The following LRGUK variants were observed in gnomAD, a reference collection of about 807,000 sequenced individuals.
LRGUK encodes the protein leucine rich repeats and guanylate kinase domain containing.
In LRGUK, 65 loss-of-function variants were observed where a neutral mutation model predicts 76.0. The observed-to-expected ratio is 0.85, with a 90% CI of 0.70 to 1.05. The LOEUF (loss-of-function observed/expected upper bound fraction) is 1.05. Among genes scored for constraint, LRGUK ranks in the 50% least tolerant of loss-of-function variants. LRGUK has a pLI of 0.00. For missense variants in LRGUK, 758 were observed against 732.8 expected (o/e 1.03, Z -0.40); for synonymous variants, 268 against 265.6 (o/e 1.01, Z -0.09).
At chr7:134,258,733 T>C (rs546427975) in intron 19 of LRGUK, among the ~76,000 whole-genome samples, 7 of 152,032 alleles carry the variant, frequency 4.6e-5, no homozygotes, top group Non-Finnish European at 8.8e-5. Flanking sequence ...CATATGGTAC[T>C]ATAAATATAA....
chr7:134,154,190 C>T (rs1475734451), intron 5 of LRGUK, among the ~76,000 whole-genome samples: 1 of 152,168 alleles, frequency 6.6e-6, no homozygotes, highest in Non-Finnish European at 1.5e-5. Flanking sequence ...GAGTTTCTTT[C>T]TCCTGATACT....
chr7:134,224,813 G>A (rs1030705973), intron 16 of LRGUK, among the ~76,000 whole-genome samples: 1 of 152,158 alleles, frequency 6.6e-6, no homozygotes, highest in East Asian at 1.9e-4. Context: ...AGCACTTTGG[G>A]AGGCTGAGGT....
chr7:134,199,982 T>TTATATATATATATA (rs71172442), intron 14 of LRGUK, among the ~76,000 whole-genome samples: 1 of 38,414 alleles, frequency 2.6e-5, no homozygotes, highest in African/African-American at 9.6e-5. Flanking sequence ...CTAGAAACTT[T>TTATATATATATATA]TATATATATA....
chr7:134,210,185 G>T (rs116581311), exon 16 of LRGUK: 4 of 399,326 alleles, frequency 1.0e-5, no homozygotes, highest in Non-Finnish European at 1.8e-5. Context: ...AGAACCCCAC[G>T]ATCAGCCAGC....
At chr7:134,263,746 A>G (rs1802800622) in intron 19 of LRGUK, 99 bp from the exon 20 acceptor site, 1 of 1,180,800 alleles carries the variant, frequency 8.5e-7, no homozygotes, top group Non-Finnish European at 1.2e-6. Flanking sequence ...TCATGAACGA[A>G]TTCTAGAAAT....
the LRGUK span, among the ~76,000 whole-genome samples, chr7:134,270,501 C>T: frequency 6.6e-6 from 1 of 152,156 alleles, no homozygotes; most frequent in African/African-American, 2.4e-5. Context: ...CCTGATTTCC[C>T]ACCCTGATGT....
chr7:134,172,621 C>T (rs1218188020), intron 7 of LRGUK, among the ~76,000 whole-genome samples: 1 of 152,332 alleles, frequency 6.6e-6, no homozygotes, highest in Non-Finnish European at 1.5e-5. Context: ...ATGGCCACAA[C>T]TTGTTGGTGA....
intron 16 of LRGUK, among the ~76,000 whole-genome samples, chr7:134,246,188 A>AT (rs1441174721): frequency 2.0e-5 from 3 of 152,208 alleles, no homozygotes; most frequent in Non-Finnish European, 2.9e-5. Context: ...CAGGTTATAA[A>AT]AAATGGTAAA....
chr7:134,159,251 C>T (rs59385814), intron 6 of LRGUK, among the ~76,000 whole-genome samples: 18,438 of 150,450 alleles, frequency 0.12, 1,423 homozygotes, highest in East Asian at 0.32. Context: ...GTGGGAGAAT[C>T]ACTTGAGCCC....
intron 15 of LRGUK, among the ~76,000 whole-genome samples, chr7:134,216,462 G>A (rs1176556390): frequency 6.6e-6 from 1 of 152,134 alleles, no homozygotes; most frequent in African/African-American, 2.4e-5. Context: ...GCATTCATAG[G>A]AGGCATTGCA....
the LRGUK span, among the ~76,000 whole-genome samples, chr7:134,274,353 A>G: frequency 6.6e-6 from 1 of 152,226 alleles, no homozygotes; most frequent in African/African-American, 2.4e-5. Flanking sequence ...AAATAAAAGT[A>G]TGGCTTATAT....
At chr7:134,242,881 A>T (rs774067776) in intron 16 of LRGUK, among the ~76,000 whole-genome samples, 8 of 152,202 alleles carry the variant, frequency 5.3e-5, no homozygotes, top group Non-Finnish European at 1.0e-4. Flanking sequence ...CATCCCTGGG[A>T]TGAAAGGCTG....
At chr7:134,149,767 GA>G in intron 5 of LRGUK, among the ~76,000 whole-genome samples, 1 of 152,262 alleles carries the variant, frequency 6.6e-6, no homozygotes, top group Middle Eastern at 3.4e-3. Context: ...AGTTTGCAAA[GA>G]AATAGCTGGA....
chr7:134,167,209 T>C lies in LRGUK; in HGVS notation c.939+3669T>C, dbSNP rs186721487. On this transcript the variant is annotated intron_variant, in intron 7 of 15. Transcript: ENST00000645682. Reference sequence around the variant, plus strand: ...CCCAAAGGTGATGCCCAAGGCAGGATACCCTGATCTGCTCAGCAACTGCTC... The same window carrying C: ...CCCAAAGGTGATGCCCAAGGCAGGACACCCTGATCTGCTCAGCAACTGCTC... Among the ~76,000 whole-genome samples, 602 of 152,338 alleles carry C rather than the reference T, an allele frequency of 4.0e-3. 6 individuals are homozygous for C. Among genetic ancestry groups the C allele is most frequent in the African/African-American group, 0.013 (557 of 41,582 alleles).
At chr7:134,157,586 G>A (rs1176820517) in intron 5 of LRGUK, among the ~76,000 whole-genome samples, 2 of 152,172 alleles carry the variant, frequency 1.3e-5, no homozygotes, top group Non-Finnish European at 2.9e-5. Context: ...GCAGTGGCGC[G>A]ATCTCTGCTC....
rs1442648221 is a variant in LRGUK at position 134,208,745 on chromosome 7, GCA to G, written c.1886_1887del (p.His629ProfsTer58). On this transcript the variant is annotated frameshift_variant, in exon 16 of 16. Coordinates refer to ENST00000645682, the Ensembl canonical transcript of LRGUK. LOFTEE classifies it low-confidence loss of function (END_TRUNC). ...CAAGAAGACTGTCTCTGGGGTGCCAGCACACCTGGTTCCATCTCCCAGGTGCT... is the reference window on the plus strand; with the variant it reads ...CAAGAAGACTGTCTCTGGGGTGCCAGCACCTGGTTCCATCTCCCAGGTGCT... 2.3e-5 allele frequency: 9 copies of G among 398,918 alleles called. No individual in the cohort carries two copies. The highest frequency in any genetic ancestry group is 4.0e-5 in the Non-Finnish European group (9 of 226,072). The allele number at this position is 398,918 out of a possible 1,614,324, so 24.7% of individuals were successfully genotyped here.
chr7:134,196,439 G>A (rs1348305479), intron 12 of LRGUK, among the ~76,000 whole-genome samples: 9 of 152,132 alleles, frequency 5.9e-5, no homozygotes, highest in Admixed American at 5.2e-4. Context: ...GGCAGTTTCA[G>A]TAGAAAGCTA....
At chr7:134,232,283 TA>T (rs1294347132) in intron 16 of LRGUK, among the ~76,000 whole-genome samples, 7 of 148,566 alleles carry the variant, frequency 4.7e-5, no homozygotes, top group African/African-American at 7.8e-5. Context: ...GTTTTTAATT[TA>T]TTTTTTTTTT....
chr7:134,249,964 C>T (rs562594048), intron 18 of LRGUK, among the ~76,000 whole-genome samples: 2 of 152,286 alleles, frequency 1.3e-5, no homozygotes, highest in South Asian at 2.1e-4. Context: ...TCATAGGTTG[C>T]TGGCTGGTCT....
Sources: gnomAD v4.1 joint callset for allele counts (sites outside exome capture counted in the v4.1 genomes callset) on GRCh38, gnomAD v4.1.1 for gene constraint, MANE v1.5 for transcripts, NCBI Gene and HGNC (gene_info 2026-07-23, HGNC 2026-07-21) for gene names.